MIPOL1: variants seen among roughly 807,000 people sequenced by gnomAD.
MIPOL1 encodes the protein mirror-image polydactyly 1.
A neutral mutation model predicts 60.9 loss-of-function variants in MIPOL1; 57 were observed. The observed-to-expected ratio is 0.94, with a 90% CI of 0.76 to 1.17. The LOEUF is 1.17. Ranked by LOEUF, MIPOL1 falls within the 50% of genes most tolerant of loss-of-function variation. The probability of loss-of-function intolerance (pLI) is 0.00; values close to 1 mark genes in which losing one functional copy is unlikely to be tolerated. For missense variants in MIPOL1, 551 were observed against 511.6 expected (o/e 1.08, Z -0.74); for synonymous variants, 179 against 168.8 (o/e 1.06, Z -0.47).
rs148935854 is a variant in MIPOL1, at chr14:37,551,214, A to G, written c.*4243A>G. On this transcript the variant is annotated 3_prime_UTR_variant, in exon 13 of 13. Transcript: ENST00000684589. ...ATGCACAAACTCAAATGTTTAAAAT[A>G]TATATTTACTTTGTACTCAAATAAA... 1.5e-3 allele frequency: 227 copies of G among 152,280 alleles called. No homozygotes were observed. Among genetic ancestry groups the G allele is most frequent in the African/African-American group, 5.1e-3 (213 of 41,560 alleles). The allele number at this position is 152,280 out of a possible 1,614,324, so 9.4% of individuals were successfully genotyped here.
intron 9 of MIPOL1, among the ~76,000 whole-genome samples, chr14:37,320,614 A>G (rs993428238): frequency 1.3e-5 from 2 of 151,684 alleles, no homozygotes; most frequent in African/African-American, 4.8e-5. Context: ...ATGTAGTCTA[A>G]TTTATCATTT....
At chr14:37,456,265 T>G (rs920445192) in intron 11 of MIPOL1, among the ~76,000 whole-genome samples, 1 of 152,132 alleles carries the variant, frequency 6.6e-6, no homozygotes, top group Non-Finnish European at 1.5e-5. Flanking sequence ...TTTTCTTGAA[T>G]AGTTAACAAG....
chr14:37,329,398 T>C (rs1337190785), intron 9 of MIPOL1, among the ~76,000 whole-genome samples: 1 of 152,182 alleles, frequency 6.6e-6, no homozygotes, highest in Non-Finnish European at 1.5e-5. Flanking sequence ...CATACTTACA[T>C]GTTCAGAAAT....
intron 11 of MIPOL1, among the ~76,000 whole-genome samples, chr14:37,441,212 A>G (rs964246878): frequency 3.3e-5 from 5 of 151,834 alleles, no homozygotes; most frequent in Non-Finnish European, 5.9e-5. Context: ...TCAATTATTT[A>G]TTGTGTTGTG....
intron 10 of MIPOL1, among the ~76,000 whole-genome samples, chr14:37,415,839 G>C (rs2093759092): frequency 1.3e-5 from 2 of 152,146 alleles, no homozygotes; most frequent in South Asian, 4.2e-4. Flanking sequence ...ACAATATCTT[G>C]TGAGAAATGA....
At chr14:37,243,885 T>A (rs1207564764) in intron 1 of MIPOL1, among the ~76,000 whole-genome samples, 1 of 152,118 alleles carries the variant, frequency 6.6e-6, no homozygotes. Flanking sequence ...AAATTTTGTT[T>A]CATGAAGTGT....
chr14:37,280,406 A>T (rs1471860998), intron 6 of MIPOL1, among the ~76,000 whole-genome samples: 1 of 152,178 alleles, frequency 6.6e-6, no homozygotes, highest in African/African-American at 2.4e-5. Context: ...CCGTTTTCCA[A>T]AATGGCTGTA....
chr14:37,473,221 C>T (rs138695979), intron 11 of MIPOL1, among the ~76,000 whole-genome samples: 2 of 152,224 alleles, frequency 1.3e-5, no homozygotes, highest in African/African-American at 4.8e-5. Context: ...CCCACACCTC[C>T]CGCCTCTTTC....
chr14:37,412,407 C>G (rs184161933), intron 10 of MIPOL1, among the ~76,000 whole-genome samples: 38 of 151,826 alleles, frequency 2.5e-4, no homozygotes, highest in Non-Finnish European at 5.0e-4. Context: ...CAAAAACAAC[C>G]CAAAGGTTTA....
chr14:37,453,002 A>C lies in MIPOL1; in HGVS notation c.1031+30053A>C, dbSNP rs188878460. On this transcript the variant is annotated intron_variant, in intron 11 of 12. Coordinates refer to ENST00000684589, the MANE Select transcript of MIPOL1 (RefSeq NM_001388067.1). ...AGAAACCTTAGGCAATGGTATTAAG[A>C]AGCAGCAGTAATGGATTGGAAAATG... Among the ~76,000 whole-genome samples the C allele has an allele frequency of 7.1e-4, 108 of 152,350 alleles. 2 individuals are homozygous for C. Among genetic ancestry groups the C allele is most frequent in the African/African-American group, 2.5e-3 (104 of 41,584 alleles).
intron 9 of MIPOL1, among the ~76,000 whole-genome samples, chr14:37,346,163 C>A (rs557575804): frequency 1.3e-5 from 2 of 152,014 alleles, no homozygotes; most frequent in Non-Finnish European, 2.9e-5. Flanking sequence ...AACCCCGTCT[C>A]TACAAAAATA....
intron 9 of MIPOL1, among the ~76,000 whole-genome samples, chr14:37,331,760 T>C (rs2089709359): frequency 6.6e-6 from 1 of 152,186 alleles, no homozygotes; most frequent in African/African-American, 2.4e-5. Context: ...ATGCTTTATA[T>C]CTTTCTCTTG....
At chr14:37,257,094 TTTGTGTGTGTG>T (rs1975075384) in intron 3 of MIPOL1, among the ~76,000 whole-genome samples, 1 of 96,960 alleles carries the variant, frequency 1.0e-5, no homozygotes, top group Non-Finnish European at 2.0e-5. Context: ...TTGGTTTTGT[TTTGTGTGTGTG>T]TGTGTGTGTG....
chr14:37,462,787 C>T lies in MIPOL1; in HGVS notation c.1032-37121C>T, dbSNP rs192768394. Among the ~76,000 whole-genome samples the T allele has an allele frequency of 3.1e-3, 479 of 152,240 alleles. 3 individuals are homozygous for T. Among genetic ancestry groups the T allele is most frequent in the African/African-American group, 0.01 (436 of 41,538 alleles). ...CTTTTCTCCAGTTCCCAACAAGTTTCTCTTCTCCATTTGAGACCACCTCAG... is the reference window on the plus strand; with the variant it reads ...CTTTTCTCCAGTTCCCAACAAGTTTTTCTTCTCCATTTGAGACCACCTCAG... On this transcript the variant is annotated intron_variant, in intron 11 of 12. Transcript: ENST00000684589.
At chr14:37,269,861 C>G (rs1567220416) in intron 5 of MIPOL1, among the ~76,000 whole-genome samples, 2 of 151,980 alleles carry the variant, frequency 1.3e-5, no homozygotes, top group African/African-American at 2.4e-5. Flanking sequence ...GAGTTTCACT[C>G]TTGTTGCCCA....
At chr14:37,401,238 G>C (rs138692655) in intron 10 of MIPOL1, 22 of 152,130 alleles carry the variant, frequency 1.4e-4, no homozygotes, top group Admixed American at 1.1e-3. Flanking sequence ...AAATGTAAGA[G>C]AAACCCTATT....
chr14:37,500,877 ATTG>A (rs2095205997), intron 12 of MIPOL1, among the ~76,000 whole-genome samples: 1 of 152,220 alleles, frequency 6.6e-6, no homozygotes, highest in Non-Finnish European at 1.5e-5. Context: ...TTCTTTATGT[ATTG>A]TTAACAGCAC....
At chr14:37,348,207 G>T (rs1297703155) in intron 9 of MIPOL1, among the ~76,000 whole-genome samples, 1 of 152,034 alleles carries the variant, frequency 6.6e-6, no homozygotes, top group African/African-American at 2.4e-5. Context: ...TAGGATAATA[G>T]CCAACAGCTG....
At chr14:37,327,586 A>C (rs916343332) in intron 9 of MIPOL1, among the ~76,000 whole-genome samples, 3 of 152,154 alleles carry the variant, frequency 2.0e-5, no homozygotes, top group Non-Finnish European at 4.4e-5. Context: ...TGCCTGGCCA[A>C]TTCAAGCAGT....
Sources: gnomAD v4.1 joint callset for allele counts (sites outside exome capture counted in the v4.1 genomes callset) on GRCh38, gnomAD v4.1.1 for gene constraint, MANE v1.5 for transcripts, NCBI Gene and HGNC (gene_info 2026-07-23, HGNC 2026-07-21) for gene names.